The following KAZN variants were observed in gnomAD, a reference collection of about 807,000 sequenced individuals.
KAZN encodes kazrin.
Under a neutral mutation model 87.4 loss-of-function variants are expected in KAZN, and 40 were observed. The observed-to-expected ratio is 0.46, with a 90% CI of 0.36 to 0.60. The LOEUF (loss-of-function observed/expected upper bound fraction) is 0.60. KAZN is among the 20% of genes least tolerant of loss of function. KAZN has a pLI of 0.00. For synonymous variants in KAZN, 466 were observed against 458.3 expected (o/e 1.02, Z -0.22); for missense variants, 898 against 1,073.9 (o/e 0.84, Z 2.29).
At chr1:14,714,943 C>T (rs1274237039) in intron 1 of KAZN, among the ~76,000 whole-genome samples, 2 of 151,766 alleles carry the variant, frequency 1.3e-5, no homozygotes, top group Non-Finnish European at 2.9e-5. Context: ...TATAGGCACA[C>T]ACCATCATGC....
Position 14,960,790 on chromosome 1 carries a change from C to G in KAZN, c.333C>G (p.Ser111=). Residue 111 remains serine (S), a synonymous_variant, in exon 2 of 15, where the codon TCC becomes TCG. Coordinates refer to ENST00000376030, the MANE Select transcript of KAZN (RefSeq NM_201628.3). The part of the protein sequence containing the change: ...KDLEESQGGK[S]SEVLSATELR... ...TGGAGGAGTCGCAGGGCGGCAAGTC[C>G]TCTGAGGTCCTCTCGGCCACCGAGC... The G allele has an allele frequency of 6.2e-7, 1 of 1,612,210 alleles. No individual in the cohort carries two copies. Among genetic ancestry groups the G allele is most frequent in the Non-Finnish European group, 8.5e-7 (1 of 1,179,388 alleles).
intron 2 of KAZN, among the ~76,000 whole-genome samples, chr1:15,004,475 C>T (rs1002573233): frequency 6.6e-6 from 1 of 152,234 alleles, no homozygotes; most frequent in African/African-American, 2.4e-5. Flanking sequence ...AGTGACCTTA[C>T]CTCTCAGAAC....
rs149581355 is a variant in KAZN, at chr1:14,705,319, A to G, written c.226+106096A>G. The stretch of plus-strand genomic sequence containing the variant: ...CTTATGTCCAAGAGAGAACTGTTAT[A>G]CACTGTTGGTATGAATGTAAACTAG... On this transcript the variant is annotated intron_variant, in intron 1 of 14. Coordinates refer to ENST00000376030, the MANE Select transcript of KAZN (RefSeq NM_201628.3). Among the ~76,000 whole-genome samples the G allele has an allele frequency of 1.8e-3, 276 of 152,366 alleles. 4 individuals carry two copies. In the South Asian group the frequency reaches 0.026, roughly 14 times the overall value.
intron 1 of KAZN, among the ~76,000 whole-genome samples, chr1:14,657,902 T>G (rs1638907683): frequency 6.6e-6 from 1 of 152,214 alleles, no homozygotes; most frequent in Admixed American, 6.5e-5. Context: ...TTGTTTTGTT[T>G]TTTTAGTTAG....
chr1:14,174,043 C>T lies in KAZN; in HGVS notation c.92-6392C>T, dbSNP rs571926602. Among the ~76,000 whole-genome samples the T allele has an allele frequency of 3.3e-5, 5 of 152,322 alleles. No individual in the cohort carries two copies. The East Asian group carries it at 7.7e-4, about 23-fold the overall frequency. On this transcript the variant is annotated intron_variant, in intron 1 of 16. Transcript: ENST00000636203. ...ACAAATGGGAAAAGGCATTCCTCTTCGATATCATTACTTCCACATATTCAG... is the reference window on the plus strand; with the variant it reads ...ACAAATGGGAAAAGGCATTCCTCTTTGATATCATTACTTCCACATATTCAG...
chr1:14,858,997 G>A (rs1182617968), intron 1 of KAZN, among the ~76,000 whole-genome samples: 1 of 152,140 alleles, frequency 6.6e-6, no homozygotes, highest in African/African-American at 2.4e-5. Flanking sequence ...ACGAGGTCAG[G>A]AGATCGAGAC....
intron 1 of KAZN, among the ~76,000 whole-genome samples, chr1:14,043,303 G>A (rs1641918622): frequency 6.6e-6 from 1 of 152,136 alleles, no homozygotes; most frequent in Non-Finnish European, 1.5e-5. Context: ...AATTATGCTT[G>A]TATATATAGA....
intron 11 of KAZN, among the ~76,000 whole-genome samples, chr1:15,102,298 G>C (rs1435060567): frequency 1.3e-5 from 2 of 152,154 alleles, no homozygotes; most frequent in African/African-American, 4.8e-5. Context: ...CTCAGGGATG[G>C]CTCCTCAGAG....
At chr1:14,329,164 C>A (rs2100864668) in intron 2 of KAZN, among the ~76,000 whole-genome samples, 1 of 152,260 alleles carries the variant, frequency 6.6e-6, no homozygotes, top group East Asian at 1.9e-4. Context: ...TCATTGGCAT[C>A]AATTTTAGGG....
At chr1:14,645,312 A>G (rs1049932892) in intron 1 of KAZN, among the ~76,000 whole-genome samples, 3 of 152,162 alleles carry the variant, frequency 2.0e-5, no homozygotes, top group Admixed American at 1.3e-4. Context: ...ATGAATTCTA[A>G]AATAGTTTTT....
chr1:14,547,832 G>T (rs1673256877), intron 2 of KAZN, among the ~76,000 whole-genome samples: 1 of 151,826 alleles, frequency 6.6e-6, no homozygotes, highest in South Asian at 2.1e-4. Context: ...CTTGCGATCT[G>T]CCCGCCTCAG....
At chr1:14,014,616 G>A (rs1640477260) in intron 1 of KAZN, among the ~76,000 whole-genome samples, 1 of 152,130 alleles carries the variant, frequency 6.6e-6, no homozygotes, top group South Asian at 2.1e-4. Flanking sequence ...AAAATCAAAA[G>A]AAGAATAATA....
At chr1:13,947,126 TA>T (rs2100986299) in intron 1 of KAZN, among the ~76,000 whole-genome samples, 1 of 152,192 alleles carries the variant, frequency 6.6e-6, no homozygotes. Context: ...TGGTAATTCA[TA>T]AAGGAAAGAG....
chr1:14,801,897 T>G (rs781775254), intron 1 of KAZN, among the ~76,000 whole-genome samples: 13 of 151,870 alleles, frequency 8.6e-5, no homozygotes, highest in Non-Finnish European at 5.9e-5. Flanking sequence ...TGTTAGCCAG[T>G]ATGGTGTCTA....
In KAZN at chr1:14,550,739, C is replaced by CTCTCTCTCTCT. The variant is rs1480745409; in HGVS notation, c.250-48244_250-48243insTCTCTCTCTCT. 3.8e-3 allele frequency among the ~76,000 whole-genome samples: 266 copies of CTCTCTCTCTCT among 69,912 alleles called. 6 individuals carry two copies. Among genetic ancestry groups the CTCTCTCTCTCT allele is most frequent in the East Asian group, 4.9e-3 (10 of 2,060 alleles). 45.9% of individuals were successfully genotyped at this position (69,912 alleles called of 152,430 possible). ...TCTCTCTCTCTCTCTCTCTCTCTCT[C>CTCTCTCTCTCT]CCCCACCCCGCCACCCCCTCTCCCC... is the stretch of plus-strand genomic sequence containing the variant. On this transcript the variant is annotated intron_variant, in intron 2 of 16. Transcript: ENST00000636203.
chr1:14,047,339 A>G lies in KAZN; in HGVS notation c.92-133096A>G, dbSNP rs181782651. Among the ~76,000 whole-genome samples, 19 of 151,598 alleles carry G rather than the reference A, an allele frequency of 1.3e-4. 2 individuals carry two copies. Among genetic ancestry groups the G allele is most frequent in the Admixed American group, 7.2e-4 (11 of 15,226 alleles). On this transcript the variant is annotated intron_variant, in intron 1 of 16. Coordinates refer to the KAZN transcript ENST00000636203. ...GCCATATGCTTAATCTTCAATATTT[A>G]CTCCTCATTTTATTCCCAAATATTG...
chr1:15,095,355 G>A (rs1640761616), intron 10 of KAZN, among the ~76,000 whole-genome samples: 1 of 152,176 alleles, frequency 6.6e-6, no homozygotes, highest in Non-Finnish European at 1.5e-5. Flanking sequence ...CAGAGATCAA[G>A]TAGGCGTGAG....
chr1:14,462,278 C>T (rs1312656036), intron 2 of KAZN, among the ~76,000 whole-genome samples: 5 of 151,896 alleles, frequency 3.3e-5, no homozygotes, highest in Admixed American at 6.6e-5. Context: ...GAGTGGAGAC[C>T]GTTTGTGGTT....
At chr1:14,386,680 T>G (rs1020656326) in intron 2 of KAZN, among the ~76,000 whole-genome samples, 7 of 152,210 alleles carry the variant, frequency 4.6e-5, no homozygotes, top group Non-Finnish European at 1.0e-4. Flanking sequence ...TGCCGAGATA[T>G]CCGCTGTTAG....
Sources: gnomAD v4.1 joint callset for allele counts (sites outside exome capture counted in the v4.1 genomes callset) on GRCh38, gnomAD v4.1.1 for gene constraint, MANE v1.5 for transcripts, NCBI Gene and HGNC (gene_info 2026-07-23, HGNC 2026-07-21) for gene names.